EMID1: variants seen among roughly 807,000 people sequenced by gnomAD.
EMID1 encodes the protein EMI domain-containing protein 1.
In EMID1, 40 loss-of-function variants were observed where a neutral mutation model predicts 60.6. The observed-to-expected ratio is 0.66, with a 90% confidence interval of 0.51 to 0.86. The LOEUF is 0.86. Ranked by LOEUF, EMID1 falls within the 40% of genes least tolerant of loss-of-function variation. The pLI, the probability that EMID1 is intolerant of heterozygous loss-of-function variation, is 0.00. For missense variants in EMID1, 585 were observed against 597.1 expected, an observed-to-expected ratio of 0.98 and a Z score of 0.21; for synonymous variants, 242 against 231.0, an observed-to-expected ratio of 1.05 and a Z score of -0.43.
intron 7 of EMID1, chr22:29,231,949 G>C (rs1236012961): frequency 1.7e-6 from 1 of 572,044 alleles, no homozygotes. Flanking sequence ...TGCCCTTCTG[G>C]AGCTTCCATG....
Position 29,225,414 on chromosome 22 carries a change from C to T in EMID1, c.403+198C>T, listed in dbSNP as rs141370259. 4.6e-5 allele frequency among the ~76,000 whole-genome samples: 7 copies of T among 152,364 alleles called. No homozygotes were observed. In the East Asian group the frequency reaches 1.3e-3, roughly 29 times the overall value. ...CACAGAAAGGACCCTAGAGGGTCAT[C>T]TGACCTGGGCCCAGACACCCTGAGA... On this transcript the variant is annotated intron_variant, in intron 4 of 14. Transcript: ENST00000334018.
intron 12 of EMID1, among the ~76,000 whole-genome samples, chr22:29,240,973 C>T (rs1022126308): frequency 6.6e-6 from 1 of 152,166 alleles, no homozygotes; most frequent in Non-Finnish European, 1.5e-5. Context: ...GAACAGAATG[C>T]TTGGTCTATT....
chr22:29,220,625 G>A (rs2040257483), intron 3 of EMID1, among the ~76,000 whole-genome samples: 1 of 152,014 alleles, frequency 6.6e-6, no homozygotes, highest in African/African-American at 2.4e-5. Flanking sequence ...AGAATGTCAT[G>A]AAGGTGGATC....
intron 4 of EMID1, among the ~76,000 whole-genome samples, chr22:29,226,127 A>G (rs2040499647): frequency 6.6e-6 from 1 of 152,114 alleles, no homozygotes; most frequent in African/African-American, 2.4e-5. Context: ...CTCTTAGCCC[A>G]TGAGGCTGGC....
intron 13 of EMID1, among the ~76,000 whole-genome samples, chr22:29,250,948 T>G (rs2041507341): frequency 6.6e-6 from 1 of 151,386 alleles, no homozygotes; most frequent in Admixed American, 6.6e-5. Context: ...GATAGGGTCT[T>G]GCTGTGTTGC....
chr22:29,232,992 A>G (rs150144224), intron 8 of EMID1: 58 of 246,856 alleles, frequency 2.3e-4, no homozygotes, highest in Non-Finnish European at 4.3e-4. Context: ...CACTATCCAT[A>G]CGATGGGGAC....
intron 7 of EMID1, chr22:29,232,035 T>G (rs2146297036): frequency 8.3e-6 from 5 of 603,700 alleles, no homozygotes; most frequent in Non-Finnish European, 1.5e-5. Flanking sequence ...TGAGGGGTTT[T>G]GGGGGTTTGG....
Position 29,232,280 on chromosome 22 carries a change from C to G in EMID1, c.701C>G (p.Pro234Arg). 1 of 1,611,548 alleles carries G rather than the reference C, an allele frequency of 6.2e-7. No homozygotes were observed. Among genetic ancestry groups the G allele is most frequent in the Non-Finnish European group, 8.5e-7 (1 of 1,179,770 alleles). ...GGTCCACAGGGCCCCCCAGGGAGCC[C>G]TGGCCGGGCTGGAGCTGTGGGCACC... Reference protein sequence around the residue: ...PPGPQGPPGSPGRAGAVGTPG... With the variant: ...PPGPQGPPGSRGRAGAVGTPG... The change falls in exon 8 of 15, where the codon CCT becomes CGT. Residue 234 changes from proline to arginine, a missense_variant. Physicochemically the swap from Pro to Arg is moderately radical, Grantham distance 103. Transcript: ENST00000334018.
In EMID1 at chr22:29,232,350, C is replaced by G; in HGVS notation, c.771C>G (p.Pro257=). Residue 257 remains proline (P), a synonymous_variant, in exon 8 of 15, where the codon CCC becomes CCG. Transcript: ENST00000334018. ...GPPGPPGPPG[P]PGPPAPVGPP... The stretch of plus-strand genomic sequence containing the variant: ...CTGGGCCACCAGGGCCTCCTGGCCC[C>G]CCTGGGCCCCCAGCCCCTGTTGGGC... 6.2e-7 allele frequency: 1 copy of G among 1,606,102 alleles called. No individual in the cohort carries two copies. The highest frequency in any genetic ancestry group is 8.5e-7 in the Non-Finnish European group (1 of 1,176,926).
At position 29,237,796 on chromosome 22, in the gene EMID1, G is replaced by A. The variant is rs570638620; in HGVS notation, c.1074+3447G>A. Among the ~76,000 whole-genome samples, 34 of 120,234 alleles carry A rather than the reference G, an allele frequency of 2.8e-4. 1 individual carries two copies. The highest frequency in any genetic ancestry group is 2.5e-3 in the South Asian group (7 of 2,850). The allele number at this position is 120,234 out of a possible 152,430, so 78.9% of individuals were successfully genotyped here. On this transcript the variant is annotated intron_variant, in intron 12 of 14. Transcript: ENST00000334018. ...AGCCTGGGCAACAGAGCGAGACTCC[G>A]TTTCAAAAAAAACAAACAAAAAAAA...
rs755906013 is a variant in EMID1 at position 29,258,949 on chromosome 22, G to A, written c.*5G>A. On this transcript the variant is annotated 3_prime_UTR_variant, in exon 15 of 15. Coordinates refer to ENST00000334018, the MANE Select transcript of EMID1 (RefSeq NM_133455.4). Reference sequence around the variant, plus strand: ...AGCCGGGACGAGAGAGGCTGAGGGTGGTGGCGGCCCCTGAGGCAGACCAGG... The same window carrying A: ...AGCCGGGACGAGAGAGGCTGAGGGTAGTGGCGGCCCCTGAGGCAGACCAGG... The A allele has an allele frequency of 1.7e-5, 27 of 1,610,800 alleles. No homozygotes were observed. The highest frequency in any genetic ancestry group is 2.7e-5 in the African/African-American group (2 of 74,836).
chr22:29,211,990 GT>G (rs1275002278), intron 1 of EMID1, among the ~76,000 whole-genome samples: 2 of 152,032 alleles, frequency 1.3e-5, no homozygotes, highest in African/African-American at 2.4e-5. Flanking sequence ...CACACCTTTG[GT>G]TTTTTTTGTT....
chr22:29,224,690 G>T lies in EMID1; in HGVS notation c.320-443G>T, dbSNP rs552499962. On this transcript the variant is annotated intron_variant, in intron 3 of 14. Coordinates refer to ENST00000334018, the MANE Select transcript of EMID1 (RefSeq NM_133455.4). ...TGCCAGTCCCTGTGTGTGCACAGTG[G>T]GCCCTTTGCATTCATGGCCGACCTC... Among the ~76,000 whole-genome samples the T allele has an allele frequency of 2.6e-5, 4 of 152,340 alleles. No individual in the cohort carries two copies. In the South Asian group the frequency reaches 8.3e-4, roughly 32 times the overall value.
chr22:29,219,801 T>G (rs73399064), intron 3 of EMID1, among the ~76,000 whole-genome samples: 1,699 of 152,070 alleles, frequency 0.011, 39 homozygotes, highest in African/African-American at 0.04. Context: ...AATTTTAAAA[T>G]AGCCTAAAAA....
chr22:29,210,594 G>A (rs552732314), intron 1 of EMID1, among the ~76,000 whole-genome samples: 22 of 152,042 alleles, frequency 1.4e-4, no homozygotes, highest in Non-Finnish European at 2.5e-4. Flanking sequence ...GTGCAGTGGC[G>A]TGAATATAGC....
intron 1 of EMID1, 117 bp downstream of exon 1, chr22:29,206,256 C>A: frequency 2.5e-6 from 2 of 800,654 alleles, no homozygotes; most frequent in Non-Finnish European, 3.3e-6. Flanking sequence ...CGGGTGAGGG[C>A]AGGGACACGG....
At chr22:29,211,316 C>G (rs1244880853) in intron 1 of EMID1, among the ~76,000 whole-genome samples, 1 of 152,168 alleles carries the variant, frequency 6.6e-6, no homozygotes, top group African/African-American at 2.4e-5. Context: ...ATTAAGTGTC[C>G]TGCTGGATTT....
intron 2 of EMID1, 109 bp from the exon 3 acceptor site, chr22:29,215,418 G>A (rs915325732): frequency 7.6e-7 from 1 of 1,307,506 alleles, no homozygotes; most frequent in Non-Finnish European, 1.1e-6. Flanking sequence ...GGGACCTGGA[G>A]GCAGCAGAGG....
At chr22:29,245,106 C>T (rs5763091) in intron 13 of EMID1, among the ~76,000 whole-genome samples, 1 of 152,032 alleles carries the variant, frequency 6.6e-6, no homozygotes. Context: ...CTGCCCATGA[C>T]TTCTGGTGCC....
Sources: gnomAD v4.1 joint callset for allele counts (sites outside exome capture counted in the v4.1 genomes callset) on GRCh38, gnomAD v4.1.1 for gene constraint, MANE v1.5 for transcripts, NCBI Gene and HGNC (gene_info 2026-07-23, HGNC 2026-07-21) for gene names.